Variants in CTCF observed in about 807,000 individuals in gnomAD.
CTCF encodes transcriptional repressor CTCF.
Under a neutral mutation model 72.3 loss-of-function variants are expected in CTCF, and 7 were observed. The observed-to-expected ratio is 0.10, with a 90% CI of 0.06 to 0.18. The LOEUF (loss-of-function observed/expected upper bound fraction) is 0.18, where lower values mean the gene tolerates loss of function less well. CTCF is among the 10% of genes least tolerant of loss of function. CTCF has a pLI of 1.00. For missense variants in CTCF, 516 were observed against 949.1 expected (o/e 0.54, Z 6.00); for synonymous variants, 374 against 315.8 (o/e 1.18, Z -1.95).
intron 2 of CTCF, among the ~76,000 whole-genome samples, chr16:67,576,648 G>T (rs886680887): frequency 2.7e-5 from 4 of 149,598 alleles, no homozygotes; most frequent in African/African-American, 1.0e-4. Flanking sequence ...CCGCCTCCCG[G>T]CTTCACACCA....
intron 2 of CTCF, among the ~76,000 whole-genome samples, chr16:67,578,123 G>A (rs2051526035): frequency 6.6e-6 from 1 of 151,972 alleles, no homozygotes; most frequent in Non-Finnish European, 1.5e-5. Context: ...TTGTGCTATG[G>A]AAATTTTCTG....
At chr16:67,627,688 C>T (rs1188619743) in intron 8 of CTCF, 3 of 151,702 alleles carry the variant, frequency 2.0e-5, no homozygotes, top group Non-Finnish European at 4.4e-5. Flanking sequence ...GTGGCTCACG[C>T]CTGTAATCCC....
intron 7 of CTCF, among the ~76,000 whole-genome samples, chr16:67,624,526 C>T (rs1320277427): frequency 4.6e-5 from 7 of 152,088 alleles, no homozygotes; most frequent in African/African-American, 1.7e-4. Context: ...CTTCCTCTTA[C>T]TTCTTTAAAC....
intron 1 of CTCF, among the ~76,000 whole-genome samples, chr16:67,570,275 G>A (rs2051398820): frequency 6.6e-6 from 1 of 150,728 alleles, no homozygotes; most frequent in African/African-American, 2.4e-5. Flanking sequence ...TAGAGACGGG[G>A]TCTCACGTGT....
chr16:67,626,529 C>A (rs766146272), intron 7 of CTCF, 26 bp from the exon 8 acceptor site: 3 of 1,398,728 alleles, frequency 2.1e-6, no homozygotes, highest in Non-Finnish European at 2.8e-6. Context: ...TTTCACATTA[C>A]CCTGGGCTTT....
At chr16:67,591,647 T>C (rs1011918885) in intron 2 of CTCF, among the ~76,000 whole-genome samples, 5 of 152,212 alleles carry the variant, frequency 3.3e-5, no homozygotes, top group Non-Finnish European at 7.3e-5. Flanking sequence ...TTATTCGTTT[T>C]GGCTAGTGTC....
intron 8 of CTCF, chr16:67,627,754 C>G (rs1435131502): frequency 6.6e-6 from 1 of 152,196 alleles, no homozygotes; most frequent in Non-Finnish European, 1.5e-5. Flanking sequence ...CAAGACCATC[C>G]TAGCTAACAC....
chr16:67,600,865 G>A (rs182942035), intron 2 of CTCF, among the ~76,000 whole-genome samples: 11 of 152,172 alleles, frequency 7.2e-5, no homozygotes, highest in East Asian at 1.9e-4. Flanking sequence ...AATTAAAACC[G>A]CTTTGAGTGA....
intron 2 of CTCF, among the ~76,000 whole-genome samples, chr16:67,582,193 A>G (rs1468554151): frequency 6.6e-6 from 1 of 151,278 alleles, no homozygotes; most frequent in Non-Finnish European, 1.5e-5. Context: ...CCTGGGCCAC[A>G]GAGCAAGACT....
chr16:67,616,715 G>A (rs1448098245), intron 4 of CTCF, 30 bp from the exon 5 acceptor site: 25 of 1,612,946 alleles, frequency 1.5e-5, no homozygotes, highest in Non-Finnish European at 2.0e-5. Flanking sequence ...CCTTGATCTT[G>A]CTCTTCCTGT....
At chr16:67,580,538 TTTTA>T (rs1053385270) in intron 2 of CTCF, among the ~76,000 whole-genome samples, 6 of 151,496 alleles carry the variant, frequency 4.0e-5, no homozygotes, top group East Asian at 1.9e-4. Flanking sequence ...TTTATTTTTA[TTTTA>T]TTTATTTATG....
At chr16:67,630,307 T>G (rs191855213) in intron 10 of CTCF, among the ~76,000 whole-genome samples, 14 of 152,214 alleles carry the variant, frequency 9.2e-5, no homozygotes, top group Admixed American at 8.5e-4. Flanking sequence ...CCTTGAGAGG[T>G]GCTGATCAAG....
At chr16:67,582,166 G>A (rs1027915257) in intron 2 of CTCF, among the ~76,000 whole-genome samples, 3 of 151,102 alleles carry the variant, frequency 2.0e-5, no homozygotes, top group Non-Finnish European at 2.9e-5. Flanking sequence ...AGCCGAGATC[G>A]TGCCACTGCA....
chr16:67,585,844 G>T (rs78296252), intron 2 of CTCF, among the ~76,000 whole-genome samples: 17,445 of 152,012 alleles, frequency 0.11, 1,363 homozygotes, highest in Non-Finnish European at 0.18. Context: ...TATGTTGAGA[G>T]TATAAAATAA....
At chr16:67,629,746 CTTTTTTTTTTTTTTTTTTTT>C (rs71145978) in intron 10 of CTCF, among the ~76,000 whole-genome samples, 1,378 of 63,296 alleles carry the variant, frequency 0.022, 73 homozygotes, top group Middle Eastern at 0.064. Context: ...CATTAATGCC[CTTTTTTTTTTTTTTTTTTTT>C]TTTTTTTTTT....
intron 2 of CTCF, among the ~76,000 whole-genome samples, chr16:67,605,662 ATAGATCGT>A (rs2051963677): frequency 1.3e-5 from 2 of 152,344 alleles, no homozygotes; most frequent in African/African-American, 4.8e-5. Flanking sequence ...AACTGGGAAA[ATAGATCGT>A]TTTGAGAAAA....
chr16:67,576,550 GTT>G (rs35771667), intron 2 of CTCF, among the ~76,000 whole-genome samples: 8 of 108,262 alleles, frequency 7.4e-5, no homozygotes, highest in East Asian at 2.5e-4. Flanking sequence ...ATAATAGAAT[GTT>G]TTTTTTTTTT....
At chr16:67,599,219 A>C (rs2051854889) in intron 2 of CTCF, among the ~76,000 whole-genome samples, 1 of 152,010 alleles carries the variant, frequency 6.6e-6, no homozygotes, top group South Asian at 2.1e-4. Flanking sequence ...ACGTGGTGAA[A>C]CCTCGTCTCT....
intron 2 of CTCF, among the ~76,000 whole-genome samples, chr16:67,607,669 A>G (rs1379674097): frequency 1.3e-5 from 2 of 151,984 alleles, no homozygotes; most frequent in Non-Finnish European, 2.9e-5. Flanking sequence ...TTTCTATTAT[A>G]TATTCAATTT....
Sources: gnomAD v4.1 joint callset for allele counts (sites outside exome capture counted in the v4.1 genomes callset) on GRCh38, gnomAD v4.1.1 for gene constraint, MANE v1.5 for transcripts, NCBI Gene and HGNC (gene_info 2026-07-23, HGNC 2026-07-21) for gene names.